Variants in KCNH7 observed in about 807,000 individuals in gnomAD.
KCNH7 encodes potassium voltage-gated channel subfamily H member 7.
A neutral mutation model predicts 120.8 loss-of-function variants in KCNH7; 49 were observed. That is an observed-to-expected ratio of 0.41 (90% CI 0.32 to 0.51). The LOEUF (loss-of-function observed/expected upper bound fraction) is 0.51. KCNH7 is among the 20% of genes least tolerant of loss of function. The pLI, the probability that KCNH7 is intolerant of heterozygous loss-of-function variation, is 0.38. For synonymous variants in KCNH7, 547 were observed against 516.1 expected (o/e 1.06, Z -0.81); for missense variants, 1,097 against 1,446.6 (o/e 0.76, Z 3.92).
chr2:162,738,424 T>C (rs1300344334), intron 2 of KCNH7, among the ~76,000 whole-genome samples: 1 of 152,092 alleles, frequency 6.6e-6, no homozygotes, highest in African/African-American at 2.4e-5. Flanking sequence ...CTGCCCTAAT[T>C]TGACATTTTT....
At chr2:162,520,237 A>G (rs766966025) in intron 3 of KCNH7, among the ~76,000 whole-genome samples, 14 of 138,672 alleles carry the variant, frequency 1.0e-4, no homozygotes, top group Non-Finnish European at 2.0e-4. Context: ...GGACCATTCT[A>G]GATACTGTTC....
intron 2 of KCNH7, chr2:162,784,984 C>G (rs577557559): frequency 6.6e-6 from 1 of 152,266 alleles, no homozygotes; most frequent in Non-Finnish European, 1.5e-5. Flanking sequence ...TCCTGGTTAA[C>G]CTCCACAGAA....
intron 2 of KCNH7, among the ~76,000 whole-genome samples, chr2:162,721,520 G>A (rs1405629965): frequency 6.6e-6 from 1 of 152,066 alleles, no homozygotes; most frequent in East Asian, 1.9e-4. Context: ...CCTCTGATCA[G>A]CAGTCTTATA....
chr2:162,611,039 G>C (rs555153901), intron 2 of KCNH7, among the ~76,000 whole-genome samples: 2 of 152,274 alleles, frequency 1.3e-5, no homozygotes, highest in East Asian at 3.9e-4. Flanking sequence ...CAGCATATGA[G>C]AGTAAATTTA....
intron 6 of KCNH7, among the ~76,000 whole-genome samples, chr2:162,474,110 C>A (rs1309781511): frequency 6.6e-6 from 1 of 152,160 alleles, no homozygotes; most frequent in African/African-American, 2.4e-5. Context: ...TCACAATAAT[C>A]CTATAAAGTA....
chr2:162,757,069 A>T (rs114609435), intron 2 of KCNH7, among the ~76,000 whole-genome samples: 2,763 of 152,220 alleles, frequency 0.018, 98 homozygotes, highest in African/African-American at 0.063. Context: ...AGGAAAAAGA[A>T]TCTCTTGGTT....
chr2:162,604,923 A>G (rs989046629), intron 2 of KCNH7, among the ~76,000 whole-genome samples: 4 of 152,166 alleles, frequency 2.6e-5, no homozygotes, highest in African/African-American at 9.6e-5. Context: ...AGTATACAAA[A>G]GTGAGTACTG....
intron 9 of KCNH7, among the ~76,000 whole-genome samples, chr2:162,412,615 G>A (rs1687423718): frequency 6.6e-6 from 1 of 152,126 alleles, no homozygotes. Context: ...TAGTGGAATA[G>A]TGCCCATTTA....
intron 2 of KCNH7, among the ~76,000 whole-genome samples, chr2:162,724,638 C>G (rs1369247819): frequency 6.9e-6 from 1 of 144,518 alleles, no homozygotes; most frequent in Admixed American, 6.8e-5. Context: ...CGCCACTGCA[C>G]TCCAGCCTGG....
intron 2 of KCNH7, among the ~76,000 whole-genome samples, chr2:162,708,618 G>A (rs1686803348): frequency 6.6e-6 from 1 of 152,144 alleles, no homozygotes; most frequent in South Asian, 2.1e-4. Flanking sequence ...GGGGTGAAAC[G>A]AGGGCTTCTG....
chr2:162,584,283 C>A (rs946441517), intron 2 of KCNH7, among the ~76,000 whole-genome samples: 2 of 152,052 alleles, frequency 1.3e-5, no homozygotes, highest in Admixed American at 1.3e-4. Context: ...GGGAGGGAAA[C>A]ATCATCTATA....
intron 6 of KCNH7, among the ~76,000 whole-genome samples, chr2:162,490,903 C>T (rs1441788467): frequency 6.6e-6 from 1 of 152,212 alleles, no homozygotes; most frequent in African/African-American, 2.4e-5. Context: ...AATGTGATTT[C>T]CATCTGTTCT....
intron 8 of KCNH7, among the ~76,000 whole-genome samples, chr2:162,423,745 T>C (rs1364485344): frequency 6.6e-6 from 1 of 152,182 alleles, no homozygotes; most frequent in Non-Finnish European, 1.5e-5. Context: ...AAATTCATCA[T>C]GGATTCTAAA....
chr2:162,564,019 G>C (rs1339296758), intron 2 of KCNH7, among the ~76,000 whole-genome samples: 6 of 151,968 alleles, frequency 3.9e-5, no homozygotes, highest in Non-Finnish European at 5.9e-5. Context: ...CAATAAACTG[G>C]TACAACTCAA....
intron 2 of KCNH7, among the ~76,000 whole-genome samples, chr2:162,778,146 A>T (rs1418723535): frequency 6.6e-6 from 1 of 152,154 alleles, no homozygotes; most frequent in Non-Finnish European, 1.5e-5. Context: ...CATAAATCAA[A>T]GGAAAATGGG....
At chr2:162,667,573 T>C (rs759114816) in intron 2 of KCNH7, among the ~76,000 whole-genome samples, 6 of 152,224 alleles carry the variant, frequency 3.9e-5, no homozygotes, top group Admixed American at 6.5e-5. Flanking sequence ...AACTAATATG[T>C]ATCTCAGAAC....
intron 9 of KCNH7, among the ~76,000 whole-genome samples, chr2:162,402,756 C>A (rs772483938): frequency 6.6e-6 from 1 of 151,690 alleles, no homozygotes; most frequent in Non-Finnish European, 1.5e-5. Flanking sequence ...CCTTAAGTAT[C>A]CTTAAGTAAA....
intron 8 of KCNH7, 44 bp downstream of exon 8, chr2:162,435,154 G>T: frequency 9.4e-6 from 14 of 1,491,008 alleles, no homozygotes; most frequent in Middle Eastern, 1.8e-4. Context: ...TAATTTCAAG[G>T]TATTATTCTA....
intron 6 of KCNH7, among the ~76,000 whole-genome samples, chr2:162,493,156 T>C (rs1384683768): frequency 1.3e-5 from 2 of 152,104 alleles, no homozygotes; most frequent in Non-Finnish European, 2.9e-5. Flanking sequence ...AAACTACATG[T>C]TTCCCTAGCC....
Sources: gnomAD v4.1 joint callset for allele counts (sites outside exome capture counted in the v4.1 genomes callset) on GRCh38, gnomAD v4.1.1 for gene constraint, MANE v1.5 for transcripts, NCBI Gene and HGNC (gene_info 2026-07-23, HGNC 2026-07-21) for gene names.